The following ADAMTS3 variants were observed in gnomAD, a reference collection of about 807,000 sequenced individuals.
ADAMTS3 encodes the protein A disintegrin and metalloproteinase with thrombospondin motifs 3.
Under a neutral mutation model 129.0 loss-of-function variants are expected in ADAMTS3, and 73 were observed. The ratio of observed to expected loss-of-function variants is 0.57; its 90% CI spans 0.47 to 0.69. The LOEUF is 0.69. ADAMTS3 is among the 30% of genes least tolerant of loss of function. ADAMTS3 has a pLI of 0.00. For synonymous variants in ADAMTS3, 477 were observed against 510.8 expected, an observed-to-expected ratio of 0.93 and a Z score of 0.89; for missense variants, 1,457 against 1,514.5, an observed-to-expected ratio of 0.96 and a Z score of 0.63.
intron 12 of ADAMTS3, among the ~76,000 whole-genome samples, chr4:72,313,126 C>T (rs1719289498): frequency 6.6e-6 from 1 of 152,194 alleles, no homozygotes; most frequent in African/African-American, 2.4e-5. Flanking sequence ...GCAGAATCCT[C>T]TAAATGTGAG....
intron 3 of ADAMTS3, among the ~76,000 whole-genome samples, chr4:72,532,704 G>A (rs1248990915): frequency 1.3e-5 from 2 of 152,100 alleles, no homozygotes; most frequent in Admixed American, 1.3e-4. Context: ...TACCTAGGCT[G>A]TATGGCACAA....
At chr4:72,461,859 T>C (rs1224646498) in intron 3 of ADAMTS3, among the ~76,000 whole-genome samples, 1 of 151,970 alleles carries the variant, frequency 6.6e-6, no homozygotes, top group East Asian at 1.9e-4. Context: ...TGGACTTTCC[T>C]GTGGTGCTTT....
chr4:72,493,504 A>G (rs1719798784), intron 3 of ADAMTS3, among the ~76,000 whole-genome samples: 1 of 151,782 alleles, frequency 6.6e-6, no homozygotes, highest in Non-Finnish European at 1.5e-5. Flanking sequence ...CTATACTTTT[A>G]CTCCTCATAC....
intron 4 of ADAMTS3, among the ~76,000 whole-genome samples, chr4:72,345,952 A>C (rs1432914321): frequency 6.6e-6 from 1 of 152,166 alleles, no homozygotes; most frequent in East Asian, 1.9e-4. Flanking sequence ...TGTCTTCAGC[A>C]ATAAGTAAAC....
At chr4:72,477,239 T>A (rs1719263605) in intron 3 of ADAMTS3, among the ~76,000 whole-genome samples, 1 of 152,098 alleles carries the variant, frequency 6.6e-6, no homozygotes, top group South Asian at 2.1e-4. Flanking sequence ...AGAATATGCA[T>A]TCTTCTCAGC....
chr4:72,428,078 G>A lies in ADAMTS3; in HGVS notation c.505-13107C>T, dbSNP rs1423888717. On this transcript the variant is annotated intron_variant, in intron 3 of 21. Coordinates refer to ENST00000286657, the MANE Select transcript of ADAMTS3 (RefSeq NM_014243.3). ...TTATGGGTACTGTGGCTTACCCATC[G>A]CTATTGTACTTGTGCAATTACAGGG... is the stretch of plus-strand genomic sequence containing the variant. Among the ~76,000 whole-genome samples, 4 of 151,932 alleles carry A rather than the reference G, an allele frequency of 2.6e-5. No homozygotes were observed. The South Asian group carries it at 6.2e-4, about 24-fold the overall frequency.
At chr4:72,358,875 A>C (rs1425077592) in intron 4 of ADAMTS3, among the ~76,000 whole-genome samples, 2 of 152,016 alleles carry the variant, frequency 1.3e-5, no homozygotes, top group Non-Finnish European at 2.9e-5. Context: ...CAACAATTTT[A>C]AAGACTAATG....
At chr4:72,445,867 G>C (rs1718238278) in intron 3 of ADAMTS3, among the ~76,000 whole-genome samples, 1 of 151,710 alleles carries the variant, frequency 6.6e-6, no homozygotes, top group Non-Finnish European at 1.5e-5. Context: ...AATTCGAAGA[G>C]AAGATTCTAA....
chr4:72,528,777 CAA>C (rs1720882179), intron 3 of ADAMTS3, among the ~76,000 whole-genome samples: 1 of 152,080 alleles, frequency 6.6e-6, no homozygotes, highest in African/African-American at 2.4e-5. Context: ...ATTCACCTCT[CAA>C]GAGTGGTATT....
At chr4:72,298,497 T>G in intron 17 of ADAMTS3, 55 bp from the exon 18 acceptor site, 1 of 1,358,294 alleles carries the variant, frequency 7.4e-7, no homozygotes, top group Non-Finnish European at 1.0e-6. Flanking sequence ...AAATTTTGAG[T>G]GTAAAATTAC....
intron 4 of ADAMTS3, among the ~76,000 whole-genome samples, chr4:72,372,765 G>T (rs753223536): frequency 6.6e-6 from 1 of 152,026 alleles, no homozygotes; most frequent in East Asian, 1.9e-4. Context: ...TGCAGTACTT[G>T]TATGCTGAAA....
intron 4 of ADAMTS3, among the ~76,000 whole-genome samples, chr4:72,382,362 A>G (rs1413040132): frequency 2.0e-5 from 3 of 152,036 alleles, no homozygotes; most frequent in Non-Finnish European, 4.4e-5. Context: ...ACTACATAGT[A>G]GCTCCTCCCA....
At chr4:72,285,135 A>T (rs2365699) in intron 21 of ADAMTS3, among the ~76,000 whole-genome samples, 37,435 of 152,188 alleles carry the variant, frequency 0.25, 4,983 homozygotes, top group East Asian at 0.45. Context: ...TTCTAAAGTT[A>T]GAAACAAAAA....
intron 4 of ADAMTS3, among the ~76,000 whole-genome samples, chr4:72,379,105 T>C (rs1434591927): frequency 7.2e-5 from 11 of 152,124 alleles, no homozygotes. Flanking sequence ...AGTTAAGTCC[T>C]CTAACTAGGT....
chr4:72,288,075 AG>A (rs1358707596), intron 21 of ADAMTS3, among the ~76,000 whole-genome samples: 2 of 152,166 alleles, frequency 1.3e-5, no homozygotes, highest in Non-Finnish European at 2.9e-5. Context: ...CATGTTGTTC[AG>A]GCTGGTCTCG....
At chr4:72,486,410 A>C (rs948491759) in intron 3 of ADAMTS3, among the ~76,000 whole-genome samples, 1 of 152,170 alleles carries the variant, frequency 6.6e-6, no homozygotes, top group Non-Finnish European at 1.5e-5. Context: ...AGAGAGGCCT[A>C]TCTGGCTCCT....
At chr4:72,363,362 A>C (rs1373178279) in intron 4 of ADAMTS3, among the ~76,000 whole-genome samples, 2 of 152,174 alleles carry the variant, frequency 1.3e-5, no homozygotes, top group Non-Finnish European at 2.9e-5. Flanking sequence ...GACTTGTAGA[A>C]TATATCAAAA....
At chr4:72,297,031 A>G (rs1373156474) in intron 18 of ADAMTS3, among the ~76,000 whole-genome samples, 4 of 152,158 alleles carry the variant, frequency 2.6e-5, no homozygotes, top group Non-Finnish European at 5.9e-5. Flanking sequence ...AATGCTACAT[A>G]AAGTGATGTT....
At chr4:72,413,294 C>T (rs962207942) in intron 4 of ADAMTS3, among the ~76,000 whole-genome samples, 8 of 151,814 alleles carry the variant, frequency 5.3e-5, no homozygotes, top group South Asian at 2.1e-4. Flanking sequence ...GTGGCCTATG[C>T]GTTCCTAAAA....
Sources: allele counts gnomAD v4.1 joint callset (sites outside exome capture counted in the v4.1 genomes callset), GRCh38; gene constraint gnomAD v4.1.1; transcripts MANE v1.5; gene names NCBI Gene and HGNC (gene_info 2026-07-23, HGNC 2026-07-21).